The following MACF1 variants were observed in gnomAD, a reference collection of about 807,000 sequenced individuals.
MACF1 encodes the protein microtubule-actin cross-linking factor 1.
MACF1 carries 193 observed loss-of-function variants against 854.8 expected under a neutral mutation model. That is an observed-to-expected ratio of 0.23 (90% CI 0.20 to 0.25). The LOEUF (loss-of-function observed/expected upper bound fraction) is 0.25. Among genes scored for constraint, MACF1 ranks in the 10% least tolerant of loss-of-function variants. The pLI, the probability that MACF1 is intolerant of heterozygous loss-of-function variation, is 1.00. For missense variants in MACF1, 7,722 were observed against 8,929.1 expected (o/e 0.86, Z 5.45); for synonymous variants, 3,185 against 3,226.7 (o/e 0.99, Z 0.44).
In MACF1 at chr1:39,442,555, C is replaced by T. The variant is rs148704119; in HGVS notation, c.19092C>T (p.Leu6364=). 172 of 1,614,058 alleles carry T rather than the reference C, an allele frequency of 1.1e-4. 1 individual carries two copies. In the Admixed American group the frequency reaches 1.2e-3, roughly 11 times the overall value. Residue 6364 remains leucine (L), a synonymous_variant, in exon 77 of 101, where the codon CTC becomes CTT. Coordinates refer to ENST00000564288, the MANE Select transcript of MACF1 (RefSeq NM_001394062.1). ...ACCCAAAAGTCATTGAAGTTGAGCT[C>T]GCAAAGCACCATGTAAGTATTTTCA... ...SGDPKVIEVE[L]AKHHVLKNDV...
chr1:39,322,587 G>GGC, intron 31 of MACF1, 21 bp from the exon 32 acceptor site: 1 of 1,576,614 alleles, frequency 6.3e-7, no homozygotes, highest in Non-Finnish European at 8.7e-7. Context: ...AGTAACTGTA[G>GGC]CGAAATTCAT....
chr1:39,369,364 T>C (rs751163852), intron 50 of MACF1, among the ~76,000 whole-genome samples: 46 of 152,202 alleles, frequency 3.0e-4, no homozygotes, highest in Non-Finnish European at 7.3e-5. Flanking sequence ...ACTGCCTTAG[T>C]GATTAGAAGA....
chr1:39,372,067 C>T (rs1440276036), intron 51 of MACF1, among the ~76,000 whole-genome samples: 2 of 152,098 alleles, frequency 1.3e-5, no homozygotes, highest in African/African-American at 4.8e-5. Flanking sequence ...GATCTGCCCG[C>T]CTCAGCCTCC....
Position 39,452,794 on chromosome 1 carries a change from T to C in MACF1, c.20724T>C (p.Ser6908=). 1 of 1,614,130 alleles carries C rather than the reference T, an allele frequency of 6.2e-7. No individual in the cohort carries two copies. Among genetic ancestry groups the C allele is most frequent in the Non-Finnish European group, 8.5e-7 (1 of 1,179,994 alleles). ...CTGATGACACAGAGGCCCTGCAGTC[T>C]CTCATTGACACCCATAAGGTAATCC... The part of the protein sequence containing the change: ...ALPDDTEALQ[S]LIDTHKEFMK... The change falls in exon 87 of 101, where the codon TCT becomes TCC. Residue 6908 remains serine, a synonymous_variant. Coordinates refer to ENST00000564288, the MANE Select transcript of MACF1 (RefSeq NM_001394062.1).
chr1:39,180,888 G>A (rs558981800), intron 2 of MACF1, among the ~76,000 whole-genome samples: 101 of 152,046 alleles, frequency 6.6e-4, no homozygotes, highest in Admixed American at 1.8e-3. Context: ...CAGTACAAAA[G>A]ACACTCTGTT....
At chr1:39,110,554 GT>G (rs374205253) in intron 2 of MACF1, among the ~76,000 whole-genome samples, 6 of 152,190 alleles carry the variant, frequency 3.9e-5, no homozygotes, top group African/African-American at 7.2e-5. Flanking sequence ...CAGTTTTTAA[GT>G]TCCTTTTTAG....
chr1:39,467,234 G>A (rs544127329), intron 95 of MACF1, among the ~76,000 whole-genome samples: 16 of 152,150 alleles, frequency 1.1e-4, no homozygotes, highest in African/African-American at 1.9e-4. Context: ...GCCTGGTGGC[G>A]GGCGCCTGTA....
rs773863195 is a variant in MACF1, at chr1:39,442,307, T to C, written c.18935T>C (p.Ile6312Thr). 21 of 1,593,666 alleles carry C rather than the reference T, an allele frequency of 1.3e-5. No individual in the cohort carries two copies. The highest frequency in any genetic ancestry group is 1.7e-5 in the Non-Finnish European group (20 of 1,172,936). ...KHLWENLGEK[I>T]AHRQHKLEGA... Reference sequence around the variant, plus strand: ...CTCTGGGAGAACCTGGGTGAGAAAATTGCCCACCGACAGGTAAGGCAGGTG... The same window carrying C: ...CTCTGGGAGAACCTGGGTGAGAAAACTGCCCACCGACAGGTAAGGCAGGTG... Residue 6312 changes from isoleucine to threonine, a missense_variant, in exon 76 of 101, where the codon ATT (isoleucine) becomes ACT (threonine). Coordinates refer to ENST00000564288, the MANE Select transcript of MACF1 (RefSeq NM_001394062.1).
chr1:39,325,166 C>G (rs1314841560), intron 35 of MACF1, among the ~76,000 whole-genome samples: 2 of 152,140 alleles, frequency 1.3e-5, no homozygotes, highest in African/African-American at 4.8e-5. Context: ...TATTAGAAAC[C>G]ATGTGGGTAG....
At chr1:39,359,319 A>G (rs953377167) in intron 47 of MACF1, 55 bp downstream of exon 47, 9 of 1,576,314 alleles carry the variant, frequency 5.7e-6, no homozygotes, top group Middle Eastern at 1.7e-4. Flanking sequence ...ATGTACCTCT[A>G]TTCTGCAATA....
At chr1:39,391,397 G>C (rs1642031253) in intron 58 of MACF1, among the ~76,000 whole-genome samples, 1 of 152,106 alleles carries the variant, frequency 6.6e-6, no homozygotes, top group Non-Finnish European at 1.5e-5. Context: ...TATTATACTG[G>C]TTGGATTGGC....
At chr1:39,293,717 C>T (rs1463527510) in intron 18 of MACF1, 98 bp downstream of exon 18, 1 of 1,211,930 alleles carries the variant, frequency 8.3e-7, no homozygotes, top group Non-Finnish European at 1.2e-6. Context: ...TGGAGTTGCA[C>T]TCTGCTAGAT....
chr1:39,466,653 A>G (rs367965919), intron 95 of MACF1, among the ~76,000 whole-genome samples: 3 of 152,268 alleles, frequency 2.0e-5, no homozygotes, highest in African/African-American at 7.2e-5. Flanking sequence ...AGAACCTCCC[A>G]CAGGGCTTCT....
chr1:39,307,762 C>T (rs1165544141), intron 23 of MACF1, among the ~76,000 whole-genome samples: 4 of 150,738 alleles, frequency 2.7e-5, no homozygotes, highest in Non-Finnish European at 4.4e-5. Flanking sequence ...TTAGTAGAGA[C>T]GGGGTTTCGC....
intron 36 of MACF1, 34 bp downstream of exon 36, chr1:39,327,387 G>A (rs772354309): frequency 6.4e-7 from 1 of 1,569,870 alleles, no homozygotes; most frequent in Admixed American, 1.7e-5. Flanking sequence ...ATATTGGGTG[G>A]ATACCTTTTG....
intron 65 of MACF1, 77 bp downstream of exon 65, chr1:39,430,145 C>G (rs756582009): frequency 4.7e-6 from 7 of 1,484,286 alleles, no homozygotes; most frequent in African/African-American, 2.8e-5. Context: ...CAACCTTTAC[C>G]TTAAATATAA....
At chr1:39,244,630 T>G (rs889808957) in intron 2 of MACF1, among the ~76,000 whole-genome samples, 3 of 151,018 alleles carry the variant, frequency 2.0e-5, no homozygotes, top group Non-Finnish European at 4.4e-5. Context: ...CAGGCTGAAG[T>G]GCAGTGGCGC....
chr1:39,440,926 A>T, intron 72 of MACF1, 77 bp from the exon 73 acceptor site: 1 of 1,496,690 alleles, frequency 6.7e-7, no homozygotes, highest in South Asian at 1.1e-5. Flanking sequence ...TTGATGGGGT[A>T]TAAATCACAT....
At chr1:39,264,909 C>T (rs1234365575) in intron 6 of MACF1, among the ~76,000 whole-genome samples, 2 of 151,920 alleles carry the variant, frequency 1.3e-5, no homozygotes, top group African/African-American at 4.8e-5. Flanking sequence ...CTCCTGACCT[C>T]ATGATCCACC....
Sources: allele counts gnomAD v4.1 joint callset (sites outside exome capture counted in the v4.1 genomes callset), GRCh38; gene constraint gnomAD v4.1.1; transcripts MANE v1.5; gene names NCBI Gene and HGNC (gene_info 2026-07-23, HGNC 2026-07-21).